The following RBMS3 variants were observed in gnomAD, a reference collection of about 807,000 sequenced individuals.
RBMS3 encodes RNA binding motif single stranded interacting protein 3.
RBMS3 carries 27 observed loss-of-function variants against 66.8 expected under a neutral mutation model. The observed-to-expected ratio is 0.40, with a 90% confidence interval of 0.30 to 0.56. The LOEUF is 0.56. RBMS3 is among the 20% of genes least tolerant of loss of function. The probability of loss-of-function intolerance (pLI) is 0.40; values close to 1 mark genes in which losing one functional copy is unlikely to be tolerated. For missense variants in RBMS3, 513 were observed against 549.5 expected (o/e 0.93, Z 0.66); for synonymous variants, 188 against 183.0 (o/e 1.03, Z -0.22).
intron 4 of RBMS3, among the ~76,000 whole-genome samples, chr3:29,730,619 C>T (rs74643537): frequency 6.6e-6 from 1 of 152,044 alleles, no homozygotes; most frequent in East Asian, 1.9e-4. Context: ...TAGTCTTTAT[C>T]GATAAATCAG....
intron 3 of RBMS3, among the ~76,000 whole-genome samples, chr3:29,576,608 T>A (rs1409555286): frequency 6.6e-6 from 1 of 152,192 alleles, no homozygotes; most frequent in African/African-American, 2.4e-5. Context: ...CCAGAGATAC[T>A]GTCTGGGAGC....
At chr3:29,731,494 AC>A (rs933560324) in intron 4 of RBMS3, among the ~76,000 whole-genome samples, 2 of 152,168 alleles carry the variant, frequency 1.3e-5, no homozygotes, top group Non-Finnish European at 2.9e-5. Flanking sequence ...TGCTTAGCAA[AC>A]AGGACAGAGG....
At chr3:29,849,300 G>A (rs528188876) in intron 6 of RBMS3, among the ~76,000 whole-genome samples, 2 of 151,836 alleles carry the variant, frequency 1.3e-5, no homozygotes, top group Admixed American at 1.3e-4. Context: ...TGGATCATAA[G>A]GTCAGGAGTT....
intron 5 of RBMS3, 135 bp downstream of exon 5, chr3:29,740,012 T>A (rs1379831427): frequency 1.5e-6 from 1 of 680,906 alleles, no homozygotes; most frequent in African/African-American, 1.8e-5. Context: ...TTATCAAATC[T>A]GTCATCCCTC....
intron 10 of RBMS3, among the ~76,000 whole-genome samples, chr3:29,922,217 G>C (rs1226905364): frequency 6.6e-6 from 1 of 152,154 alleles, no homozygotes; most frequent in Non-Finnish European, 1.5e-5. Flanking sequence ...GCCGGGCACG[G>C]TGGCTCACGC....
chr3:29,628,352 TA>T (rs2049146945), intron 4 of RBMS3, among the ~76,000 whole-genome samples: 1 of 152,332 alleles, frequency 6.6e-6, no homozygotes, highest in Non-Finnish European at 1.5e-5. Flanking sequence ...TTTCCTCTTA[TA>T]AAACTGGCTG....
chr3:29,554,456 C>T (rs1254492462), intron 3 of RBMS3, among the ~76,000 whole-genome samples: 1 of 152,172 alleles, frequency 6.6e-6, no homozygotes, highest in African/African-American at 2.4e-5. Flanking sequence ...AAACATAAAA[C>T]TTAATCTTTC....
chr3:29,307,287 C>T (rs2034075883), intron 1 of RBMS3, among the ~76,000 whole-genome samples: 1 of 151,920 alleles, frequency 6.6e-6, no homozygotes, highest in Non-Finnish European at 1.5e-5. Context: ...GAGGAAGATC[C>T]AACTTTCTCC....
At chr3:29,326,192 C>A in intron 1 of RBMS3, among the ~76,000 whole-genome samples, 1 of 152,068 alleles carries the variant, frequency 6.6e-6, no homozygotes, top group East Asian at 1.9e-4. Flanking sequence ...CTAAGTGCAT[C>A]CCATGTCTTC....
At chr3:29,796,855 G>C (rs1350860169) in intron 6 of RBMS3, among the ~76,000 whole-genome samples, 1 of 151,674 alleles carries the variant, frequency 6.6e-6, no homozygotes, top group Non-Finnish European at 1.5e-5. Context: ...TGGGACTATA[G>C]GCACACCCCA....
chr3:29,713,997 G>A lies in RBMS3; in HGVS notation c.400-25723G>A, dbSNP rs528809826. Among the ~76,000 whole-genome samples the A allele has an allele frequency of 2.2e-3, 338 of 152,284 alleles. 2 individuals are homozygous for A. The highest frequency in any genetic ancestry group is 7.7e-3 in the African/African-American group (319 of 41,566). ...TTAAATTCGGGAAGCAAAGGTTGCA[G>A]TGAGCCAAGATTGTACCACTGTACT... On this transcript the variant is annotated intron_variant, in intron 4 of 14. Transcript: ENST00000383767.
intron 1 of RBMS3, among the ~76,000 whole-genome samples, chr3:29,430,028 T>G (rs1222010624): frequency 6.6e-6 from 1 of 152,170 alleles, no homozygotes; most frequent in African/African-American, 2.4e-5. Context: ...CGCTTTTGCT[T>G]TTCACAAATT....
At position 29,942,271 on chromosome 3, in the gene RBMS3, C is replaced by A. The variant is rs774839035; in HGVS notation, c.1051-1936C>A. Reference sequence around the variant, plus strand: ...TAGTGGTTCATGCCTGTTATCACAGCACTTTGGGAAGCTGAGGCAGGAGGA... The same window carrying A: ...TAGTGGTTCATGCCTGTTATCACAGAACTTTGGGAAGCTGAGGCAGGAGGA... On this transcript the variant is annotated intron_variant, in intron 11 of 14. Transcript: ENST00000383767. Among the ~76,000 whole-genome samples, 29 of 151,812 alleles carry A rather than the reference C, an allele frequency of 1.9e-4. 3 individuals carry two copies. The South Asian group carries it at 3.7e-3, about 20-fold the overall frequency.
chr3:29,309,180 T>C (rs1485050246), intron 1 of RBMS3, among the ~76,000 whole-genome samples: 1 of 151,290 alleles, frequency 6.6e-6, no homozygotes, highest in Admixed American at 6.6e-5. Context: ...AAACGCATCC[T>C]GCTGGAATGA....
intron 4 of RBMS3, among the ~76,000 whole-genome samples, chr3:29,711,973 CTG>C (rs1363212675): frequency 1.3e-5 from 2 of 152,146 alleles, no homozygotes; most frequent in Non-Finnish European, 2.9e-5. Context: ...AACAGAGACA[CTG>C]TGCTTTTAAG....
intron 1 of RBMS3, among the ~76,000 whole-genome samples, chr3:29,341,268 G>GTT (rs1319738563): frequency 6.6e-6 from 1 of 152,004 alleles, no homozygotes; most frequent in Non-Finnish European, 1.5e-5. Context: ...GAATCAAAAT[G>GTT]TTTTGTATAT....
At chr3:29,914,648 T>C (rs1577132951) in intron 10 of RBMS3, among the ~76,000 whole-genome samples, 1 of 151,960 alleles carries the variant, frequency 6.6e-6, no homozygotes, top group Non-Finnish European at 1.5e-5. Flanking sequence ...TGGCTAATTA[T>C]GTATTGTATT....
chr3:29,745,861 A>G lies in RBMS3; in HGVS notation c.557+5984A>G, dbSNP rs555938737. 5.3e-5 allele frequency among the ~76,000 whole-genome samples: 8 copies of G among 151,386 alleles called. No homozygotes were observed. The East Asian group carries it at 5.8e-4, about 11-fold the overall frequency. On this transcript the variant is annotated intron_variant, in intron 5 of 14. Transcript: ENST00000383767. ...TCCCTACTGAATGTGCAAGTTTTCT[A>G]AATAAATAATTTAAGTTTTTCTTTC...
intron 12 of RBMS3, among the ~76,000 whole-genome samples, chr3:29,976,411 G>A (rs945830771): frequency 2.0e-5 from 3 of 151,930 alleles, no homozygotes; most frequent in Non-Finnish European, 2.9e-5. Flanking sequence ...TTCTATATTA[G>A]TACCTTAAGC....
Sources: gnomAD v4.1 joint callset for allele counts (sites outside exome capture counted in the v4.1 genomes callset) on GRCh38, gnomAD v4.1.1 for gene constraint, MANE v1.5 for transcripts, NCBI Gene and HGNC (gene_info 2026-07-23, HGNC 2026-07-21) for gene names.